Variants in FGD5 observed in about 807,000 individuals in gnomAD.
FGD5 encodes the protein FYVE, RhoGEF and PH domain containing 5.
In FGD5, 28 loss-of-function variants were observed where a neutral mutation model predicts 133.4. The observed-to-expected ratio is 0.21, with a 90% CI of 0.16 to 0.29. The LOEUF is 0.29. Among genes scored for constraint, FGD5 ranks in the 10% least tolerant of loss-of-function variants. The probability of loss-of-function intolerance (pLI) is 1.00; values close to 1 mark genes in which losing one functional copy is unlikely to be tolerated. For synonymous variants in FGD5, 810 were observed against 776.5 expected (o/e 1.04, Z -0.72); for missense variants, 1,858 against 1,895.2 (o/e 0.98, Z 0.36).
At chr3:14,865,302 G>A (rs145884527) in intron 2 of FGD5, among the ~76,000 whole-genome samples, 7 of 152,270 alleles carry the variant, frequency 4.6e-5, no homozygotes, top group African/African-American at 1.4e-4. Context: ...AAAGACCATT[G>A]CAAGTGAATG....
chr3:14,877,105 G>C (rs564243079), intron 2 of FGD5, among the ~76,000 whole-genome samples: 4 of 152,356 alleles, frequency 2.6e-5, no homozygotes, highest in Non-Finnish European at 5.9e-5. Flanking sequence ...CCAAGCTCCT[G>C]GGAGGAGCCC....
upstream of FGD5, among the ~76,000 whole-genome samples, chr3:14,816,837 G>A (rs1008277264): frequency 2.6e-5 from 4 of 152,172 alleles, no homozygotes; most frequent in South Asian, 2.1e-4. Context: ...AAATGGTGTG[G>A]ATTAGGGGTC....
chr3:14,874,049 C>T (rs961315667), intron 2 of FGD5, among the ~76,000 whole-genome samples: 1 of 152,048 alleles, frequency 6.6e-6, no homozygotes, highest in Non-Finnish European at 1.5e-5. Context: ...GCCCATCCTT[C>T]GGTGAGTGGA....
intron 4 of FGD5, among the ~76,000 whole-genome samples, chr3:14,893,330 G>A (rs4234533): frequency 0.73 from 110,404 of 151,844 alleles, 40,324 homozygotes; most frequent in African/African-American, 0.79. Context: ...ATTCTCTTCT[G>A]GTTATTTTAT....
intron 11 of FGD5, among the ~76,000 whole-genome samples, chr3:14,911,598 C>G (rs755317034): frequency 6.6e-6 from 1 of 151,960 alleles, no homozygotes; most frequent in Non-Finnish European, 1.5e-5. Context: ...GTGGGAGAGA[C>G]AGGCTGTGGT....
rs377222490 is a variant in FGD5, at chr3:14,919,160, C to T, written c.3569+327C>T. On this transcript the variant is annotated intron_variant, in intron 13 of 19. Transcript: ENST00000285046. ...GGATGATTGGGTCTCTACAGCAACA[C>T]GAAAAGTTAAGGCCAGTAAAAAATG... Among the ~76,000 whole-genome samples the T allele has an allele frequency of 4.7e-4, 72 of 152,102 alleles. 1 individual carries two copies. The South Asian group carries it at 0.013, about 29-fold the overall frequency.
chr3:14,894,152 C>T (rs1241004894), intron 4 of FGD5, among the ~76,000 whole-genome samples: 2 of 152,192 alleles, frequency 1.3e-5, no homozygotes. Context: ...AGCCTACTTT[C>T]TATCTTCATG....
At chr3:14,849,129 G>A (rs771020587) in intron 1 of FGD5, among the ~76,000 whole-genome samples, 85 of 152,296 alleles carry the variant, frequency 5.6e-4, no homozygotes, top group Non-Finnish European at 1.0e-3. Context: ...TCCGTTCTGG[G>A]CCTGAGCCTC....
At chr3:14,876,094 TG>T (rs2037714374) in intron 2 of FGD5, among the ~76,000 whole-genome samples, 1 of 152,126 alleles carries the variant, frequency 6.6e-6, no homozygotes, top group African/African-American at 2.4e-5. Flanking sequence ...ATCTTGAGGT[TG>T]TTCCTTCCTC....
chr3:14,813,845 A>G (rs1329942448), intron 1 of FGD5, among the ~76,000 whole-genome samples: 1 of 152,236 alleles, frequency 6.6e-6, no homozygotes, highest in African/African-American at 2.4e-5. Context: ...TACATAGCCA[A>G]CAAGGGAGCA....
chr3:14,837,539 C>G (rs2036840182), intron 1 of FGD5, among the ~76,000 whole-genome samples: 1 of 152,146 alleles, frequency 6.6e-6, no homozygotes, highest in Non-Finnish European at 1.5e-5. Context: ...TTTCAGAATC[C>G]TGCATCTGTC....
At chr3:14,859,877 A>G (rs1286670985) in intron 1 of FGD5, among the ~76,000 whole-genome samples, 1 of 141,804 alleles carries the variant, frequency 7.1e-6, no homozygotes, top group East Asian at 3.4e-4. Context: ...TACAACTCGA[A>G]CCACTCCCCC....
chr3:14,908,392 C>T (rs7631015), intron 10 of FGD5, among the ~76,000 whole-genome samples: 74,776 of 151,722 alleles, frequency 0.49, 19,036 homozygotes, highest in Non-Finnish European at 0.57. Flanking sequence ...GTAGACCTTC[C>T]GAGGCTCTGT....
chr3:14,880,751 G>C lies in FGD5; in HGVS notation c.2727G>C (p.Glu909Asp). Residue 909 changes from glutamate (E) to aspartate (D), a missense_variant, in exon 4 of 20, where the codon GAG becomes GAC. Physicochemically the swap from Glu to Asp is conservative, Grantham distance 45. Coordinates refer to ENST00000285046, the MANE Select transcript of FGD5 (RefSeq NM_152536.4). ...ELLSSEKAYV[E>D]MLQHLNLDFH... ...CTCTTTCCCTCTGCAGATACGTGGA[G>C]ATGCTCCAGCACTTAAATCTGGTGA... The C allele has an allele frequency of 4.3e-6, 7 of 1,614,030 alleles. No individual in the cohort carries two copies. The highest frequency in any genetic ancestry group is 5.9e-6 in the Non-Finnish European group (7 of 1,179,886).
intron 5 of FGD5, 76 bp downstream of exon 5, chr3:14,897,745 T>C (rs1483365482): frequency 2.0e-6 from 3 of 1,489,172 alleles, no homozygotes; most frequent in Non-Finnish European, 2.7e-6. Context: ...CACCACCATA[T>C]GAAATAGTAT....
At chr3:14,871,481 A>G (rs1052470407) in intron 2 of FGD5, among the ~76,000 whole-genome samples, 3 of 152,210 alleles carry the variant, frequency 2.0e-5, no homozygotes, top group African/African-American at 7.2e-5. Flanking sequence ...TCCAACCTGC[A>G]TTTTTGATAT....
chr3:14,893,993 G>A (rs1410888682), intron 4 of FGD5, among the ~76,000 whole-genome samples: 10 of 150,762 alleles, frequency 6.6e-5, no homozygotes, highest in Admixed American at 3.3e-4. Flanking sequence ...CCTGACCTCA[G>A]GTGATCTACC....
At chr3:14,923,834 C>T in intron 16 of FGD5, 174 bp from the exon 17 acceptor site, 1 of 823,204 alleles carries the variant, frequency 1.2e-6, no homozygotes, top group Non-Finnish European at 1.9e-6. Context: ...TCCCCAGCCC[C>T]CATAGCCTTT....
chr3:14,847,217 G>A (rs2125090700), intron 1 of FGD5, among the ~76,000 whole-genome samples: 1 of 152,282 alleles, frequency 6.6e-6, no homozygotes, highest in East Asian at 1.9e-4. Flanking sequence ...AACACCTAAT[G>A]TATCAACTGG....
Sources: gnomAD v4.1 joint callset for allele counts (sites outside exome capture counted in the v4.1 genomes callset) on GRCh38, gnomAD v4.1.1 for gene constraint, MANE v1.5 for transcripts, NCBI Gene and HGNC (gene_info 2026-07-23, HGNC 2026-07-21) for gene names.